Variants in VWF observed in about 807,000 individuals in gnomAD.
The protein encoded by VWF is von Willebrand factor.
VWF carries 176 observed loss-of-function variants against 308.6 expected under a neutral mutation model. The ratio of observed to expected loss-of-function variants is 0.57; its 90% CI spans 0.50 to 0.65. VWF has a LOEUF of 0.65. Among genes scored for constraint, VWF ranks in the 30% least tolerant of loss-of-function variants. The probability of loss-of-function intolerance (pLI) is 0.00; values close to 1 mark genes in which losing one functional copy is unlikely to be tolerated. For synonymous variants in VWF, 1,385 were observed against 1,443.4 expected, an observed-to-expected ratio of 0.96 and a Z score of 0.92; for missense variants, 3,146 against 3,648.2, an observed-to-expected ratio of 0.86 and a Z score of 3.55.
At chr12:5,964,186 C>T (rs768675988) in intron 47 of VWF, among the ~76,000 whole-genome samples, 1 of 137,274 alleles carries the variant, frequency 7.3e-6, no homozygotes, top group East Asian at 2.0e-4. Flanking sequence ...CACTGCACTC[C>T]AGCCTGGGCG....
intron 43 of VWF, among the ~76,000 whole-genome samples, chr12:5,975,604 A>G (rs988552619): frequency 3.3e-5 from 5 of 152,244 alleles, no homozygotes; most frequent in African/African-American, 1.2e-4. Context: ...GTAAACTGAA[A>G]CAAGGACGAT....
chr12:6,095,157 T>C (rs1945092517), intron 6 of VWF: 2 of 385,114 alleles, frequency 5.2e-6, no homozygotes, highest in Non-Finnish European at 1.0e-5. Context: ...GATTTTGGGC[T>C]GCCTAGCCTC....
chr12:6,059,861 T>C (rs980130), intron 13 of VWF, among the ~76,000 whole-genome samples: 110,772 of 152,238 alleles, frequency 0.73, 40,655 homozygotes, highest in East Asian at 0.89. Flanking sequence ...CCTCCTGATG[T>C]GCTGGAATGC....
chr12:5,970,322 A>G (rs1943458254), intron 44 of VWF, among the ~76,000 whole-genome samples: 1 of 152,172 alleles, frequency 6.6e-6, no homozygotes, highest in Non-Finnish European at 1.5e-5. Flanking sequence ...CTTTTAGGTA[A>G]GATGGAGACT....
chr12:6,017,365 G>A (rs1357078959), intron 28 of VWF, among the ~76,000 whole-genome samples: 1 of 152,196 alleles, frequency 6.6e-6, no homozygotes, highest in Non-Finnish European at 1.5e-5. Flanking sequence ...GAGCACATCT[G>A]AGATTTGATG....
At position 6,095,467 on chromosome 12, in the gene VWF, A is replaced by G. The variant is rs1472879882; in HGVS notation, c.650T>C (p.Met217Thr). 3 of 1,613,916 alleles carry G rather than the reference A, an allele frequency of 1.9e-6. No homozygotes were observed. Among genetic ancestry groups the G allele is most frequent in the African/African-American group, 2.7e-5 (2 of 74,848 alleles). ...SSSCNISSGE[M>T]QKGLWEQCQL... ...AGGCCAGTCCACACCCACCTTCTGC[A>G]TTTCCCCAGAGGAGATGTTGCATGA... is the stretch of plus-strand genomic sequence containing the variant. The change falls in exon 6 of 52, where the codon ATG (methionine) becomes ACG (threonine). Residue 217 changes from methionine to threonine, a missense_variant. Met to Thr is a moderately conservative substitution (Grantham distance 81, BLOSUM62 -1). This residue lies in a region of VWF where 1,304 missense variants were observed against 1,353.0 expected (regional missense o/e 0.96). Coordinates refer to ENST00000261405, the MANE Select transcript of VWF (RefSeq NM_000552.5).
At chr12:6,000,777 A>C (rs1943863275) in intron 34 of VWF, among the ~76,000 whole-genome samples, 1 of 134,160 alleles carries the variant, frequency 7.5e-6, no homozygotes, top group East Asian at 2.4e-4. Context: ...GCGCCTCTGC[A>C]CTCCAGCCTG....
chr12:6,015,517 G>T (rs955170448), intron 31 of VWF, among the ~76,000 whole-genome samples: 1 of 152,000 alleles, frequency 6.6e-6, no homozygotes, highest in Admixed American at 6.6e-5. Flanking sequence ...CTGGGAGGTG[G>T]TCCCTAGACT....
chr12:6,074,009 C>T (rs910435328), intron 7 of VWF, among the ~76,000 whole-genome samples: 1 of 152,118 alleles, frequency 6.6e-6, no homozygotes, highest in Non-Finnish European at 1.5e-5. Flanking sequence ...GCCTGCTCTC[C>T]ATGTATAACT....
intron 6 of VWF, among the ~76,000 whole-genome samples, chr12:6,094,133 A>C (rs1723161027): frequency 6.6e-6 from 1 of 152,218 alleles, no homozygotes; most frequent in Non-Finnish European, 1.5e-5. Context: ...CTCTGGAAGG[A>C]GCAAAGCCAG....
intron 49 of VWF, 101 bp downstream of exon 49, chr12:5,952,290 A>C: frequency 1.3e-6 from 2 of 1,518,854 alleles, no homozygotes; most frequent in Non-Finnish European, 1.8e-6. Flanking sequence ...GATGTGCCTC[A>C]GACACTGAGA....
intron 11 of VWF, 93 bp downstream of exon 11, chr12:6,065,044 G>T: frequency 6.4e-7 from 1 of 1,573,762 alleles, no homozygotes; most frequent in Non-Finnish European, 8.7e-7. Flanking sequence ...AGAAAGCAAT[G>T]CCCCACGCCT....
chr12:6,017,489 C>A (rs539306020), intron 28 of VWF, among the ~76,000 whole-genome samples: 10 of 152,272 alleles, frequency 6.6e-5, no homozygotes, highest in African/African-American at 2.4e-4. Flanking sequence ...GTGTGTGACT[C>A]AAAAGATACT....
Position 6,023,741 on chromosome 12 carries a change from G to A in VWF, c.3269C>T (p.Ser1090Phe), listed in dbSNP as rs529227474. The A allele has an allele frequency of 6.2e-7, 1 of 1,613,638 alleles. No homozygotes were observed. Among genetic ancestry groups the A allele is most frequent in the South Asian group, 1.1e-5 (1 of 91,014 alleles). The change falls in exon 25 of 52, where the codon TCC (serine) becomes TTC (phenylalanine). Residue 1090 changes from serine (S) to phenylalanine (F), a missense_variant. This residue lies in a region of VWF where 853 missense variants were observed against 1,177.8 expected (regional missense o/e 0.72). Transcript: ENST00000261405. ...YLDVCIYDTC[S>F]CESIGDCACF... Reference sequence around the variant, plus strand: ...GGCGCAGTCCCCAATGGACTCACAGGAGCAGGTGTCGTAAATGCAGACATC... The same window carrying A: ...GGCGCAGTCCCCAATGGACTCACAGAAGCAGGTGTCGTAAATGCAGACATC...
chr12:6,113,966 C>T (rs1275299489), intron 3 of VWF, among the ~76,000 whole-genome samples: 2 of 152,224 alleles, frequency 1.3e-5, no homozygotes, highest in Admixed American at 1.3e-4. Flanking sequence ...ACAAATGAGC[C>T]CACGAGGTCT....
intron 3 of VWF, among the ~76,000 whole-genome samples, chr12:6,114,699 A>C (rs73266878): frequency 0.015 from 2,348 of 152,232 alleles, 65 homozygotes; most frequent in African/African-American, 0.052. Context: ...TGGGCAGCCC[A>C]AGGAGAGACC....
Position 5,996,163 on chromosome 12 carries a change from G to C in VWF, c.5902C>G (p.Leu1968Val). 6.2e-7 allele frequency: 1 copy of C among 1,614,074 alleles called. No individual in the cohort carries two copies. The highest frequency in any genetic ancestry group is 8.5e-7 in the Non-Finnish European group (1 of 1,180,024). ...IVTFDGQNFK[L>V]TGSCSYVLFQ... The stretch of plus-strand genomic sequence containing the variant: ...AGGACATAAGAACAGCTGCCAGTCA[G>C]CTTGAAATTCTGCCCATCAAAGGTC... Residue 1968 changes from leucine to valine, a missense_variant, in exon 35 of 52, where the codon CTG becomes GTG. Leu to Val is a conservative substitution (Grantham distance 32). Transcript: ENST00000261405.
intron 13 of VWF, among the ~76,000 whole-genome samples, chr12:6,059,578 T>C (rs139299438): frequency 1.6e-3 from 249 of 152,286 alleles, no homozygotes; most frequent in African/African-American, 5.9e-3. Context: ...TTCCGGTTCA[T>C]AGATGGTGCC....
Position 6,068,170 on chromosome 12 carries a change from C to T in VWF, c.1157-2897G>A, listed in dbSNP as rs193291539. On this transcript the variant is annotated intron_variant, in intron 10 of 51. Coordinates refer to ENST00000261405, the MANE Select transcript of VWF (RefSeq NM_000552.5). ...AAAAAAAAAAATCCAGAAGTTAAAG[C>T]AGATCCATTTCTATGTGAATAAAGA... Among the ~76,000 whole-genome samples, 136 of 150,348 alleles carry T rather than the reference C, an allele frequency of 9.0e-4. 1 individual carries two copies. Among genetic ancestry groups the T allele is most frequent in the African/African-American group, 3.2e-3 (132 of 40,978 alleles).
Sources: allele counts gnomAD v4.1 joint callset (sites outside exome capture counted in the v4.1 genomes callset), GRCh38; gene constraint gnomAD v4.1.1; regional missense constraint gnomAD v4.1.1; transcripts MANE v1.5; gene names NCBI Gene and HGNC (gene_info 2026-07-23, HGNC 2026-07-21).